The following ADCY9 variants were observed in gnomAD, a reference collection of about 807,000 sequenced individuals.
ADCY9 encodes adenylate cyclase type 9.
In ADCY9, 50 loss-of-function variants were observed where a neutral mutation model predicts 101.5. That is an observed-to-expected ratio of 0.49 (90% CI 0.39 to 0.62). The LOEUF (loss-of-function observed/expected upper bound fraction) is 0.62. Among genes scored for constraint, ADCY9 ranks in the 20% least tolerant of loss-of-function variants. ADCY9 has a pLI of 0.00. For missense variants in ADCY9, 1,662 were observed against 1,800.4 expected (o/e 0.92, Z 1.39); for synonymous variants, 905 against 769.3 (o/e 1.18, Z -2.92).
rs960366357 is a variant in ADCY9 at position 4,033,584 on chromosome 16, T to A, written c.1694-26026A>T. Among the ~76,000 whole-genome samples, 4 of 151,988 alleles carry A rather than the reference T, an allele frequency of 2.6e-5. No individual in the cohort carries two copies. The East Asian group carries it at 7.7e-4, about 29-fold the overall frequency. ...GAGTAGCTGGGACTACAGACGCTAA[T>A]TTTTTATGATTTAGTAGAGATAGGG... is the stretch of plus-strand genomic sequence containing the variant. On this transcript the variant is annotated intron_variant, in intron 2 of 10. Coordinates refer to ENST00000294016, the MANE Select transcript of ADCY9 (RefSeq NM_001116.4).
At chr16:4,013,337 C>T (rs1227827913) in intron 2 of ADCY9, among the ~76,000 whole-genome samples, 4 of 152,050 alleles carry the variant, frequency 2.6e-5, no homozygotes, top group Non-Finnish European at 5.9e-5. Context: ...AGGAGAATCG[C>T]TTAAACTTGA....
intron 7 of ADCY9, chr16:3,982,423 T>C (rs1282628173): frequency 6.6e-6 from 1 of 152,252 alleles, no homozygotes; most frequent in Admixed American, 6.5e-5. Context: ...AGCCATCCTG[T>C]TGAGGGTGAC....
At chr16:3,971,139 C>A (rs2056047942) in intron 10 of ADCY9, among the ~76,000 whole-genome samples, 1 of 152,120 alleles carries the variant, frequency 6.6e-6, no homozygotes, top group Admixed American at 6.5e-5. Context: ...GAGACCTGAA[C>A]AGCCCCTAAT....
chr16:3,979,262 G>T lies in ADCY9; in HGVS notation c.2533C>A (p.Leu845Met). 1 of 1,613,870 alleles carries T rather than the reference G, an allele frequency of 6.2e-7. No individual in the cohort carries two copies. The highest frequency in any genetic ancestry group is 2.2e-5 in the East Asian group (1 of 44,876). ...LAVSIRMVFFLEDVMACTKRL... is the reference protein window; with the variant it reads ...LAVSIRMVFFMEDVMACTKRL... ...TTGGTGCAGGCCATGACGTCCTCCA[G>T]GAAGAACACCATCCTGCGAGAGGCA... The change falls in exon 8 of 11, where the codon CTG becomes ATG. Residue 845 changes from leucine (L) to methionine (M), a missense_variant. Leu to Met is a conservative substitution (Grantham distance 15). Coordinates refer to ENST00000294016, the MANE Select transcript of ADCY9 (RefSeq NM_001116.4).
chr16:3,965,919 C>A lies in ADCY9; in HGVS notation c.3918G>T (p.Leu1306=). Reference sequence around the variant, plus strand: ...GCTCCTTCCACGGTCTCTTGGGGGACAGGTGGGCATCCTTGGCCTGCGTGC... The same window carrying A: ...GCTCCTTCCACGGTCTCTTGGGGGAAAGGTGGGCATCCTTGGCCTGCGTGC... ...DSSTQAKDAH[L]SPKRPWKEPV... Residue 1306 remains leucine (L), a synonymous_variant, in exon 11 of 11, where the codon CTG becomes CTT. Coordinates refer to ENST00000294016, the MANE Select transcript of ADCY9 (RefSeq NM_001116.4). The A allele has an allele frequency of 6.2e-7, 1 of 1,614,198 alleles. No homozygotes were observed. Among genetic ancestry groups the A allele is most frequent in the Non-Finnish European group, 8.5e-7 (1 of 1,180,040 alleles).
At chr16:4,084,099 CTTTT>C (rs2056922248) in intron 2 of ADCY9, among the ~76,000 whole-genome samples, 1 of 151,856 alleles carries the variant, frequency 6.6e-6, no homozygotes, top group Non-Finnish European at 1.5e-5. Context: ...ATAAAGCTTT[CTTTT>C]GTTTGTTTTG....
At chr16:4,020,181 C>T (rs1246386186) in intron 2 of ADCY9, among the ~76,000 whole-genome samples, 3 of 152,214 alleles carry the variant, frequency 2.0e-5, no homozygotes, top group African/African-American at 7.2e-5. Context: ...CATGTGGCTA[C>T]TGACCACTCG....
intron 6 of ADCY9, among the ~76,000 whole-genome samples, chr16:3,988,742 T>C (rs906046245): frequency 6.6e-6 from 1 of 152,104 alleles, no homozygotes; most frequent in Non-Finnish European, 1.5e-5. Flanking sequence ...AGCCTGGAGA[T>C]GCCACGGCAG....
chr16:3,965,562 G>A lies in ADCY9; in HGVS notation c.*213C>T, dbSNP rs750108438. 1.8e-5 allele frequency: 11 copies of A among 600,252 alleles called. 1 individual carries two copies. In the East Asian group the frequency reaches 2.8e-4, roughly 15 times the overall value. The allele number at this position is 600,252 out of a possible 1,614,324, so 37.2% of individuals were successfully genotyped here. A position where few individuals can be genotyped will look rare whatever the true frequency, so the allele number is the denominator to read the frequency against. The stretch of plus-strand genomic sequence containing the variant: ...CCACGTGCTGAACGGATGACCCAGA[G>A]GCAGCGGGGTTTCCAGGGAAGGGAG... On this transcript the variant is annotated 3_prime_UTR_variant, in exon 11 of 11. Transcript: ENST00000294016.
chr16:3,975,967 T>C (rs953418957), intron 9 of ADCY9, among the ~76,000 whole-genome samples: 1 of 152,174 alleles, frequency 6.6e-6, no homozygotes, highest in Non-Finnish European at 1.5e-5. Flanking sequence ...GTAGCAAATG[T>C]GTAATAGGCA....
intron 2 of ADCY9, among the ~76,000 whole-genome samples, chr16:4,108,360 A>ATTTTTTT (rs869169536): frequency 0.034 from 1,814 of 53,800 alleles, 352 homozygotes; most frequent in Non-Finnish European, 0.044. Flanking sequence ...CCGTTTCTTC[A>ATTTTTTT]TTTTTTTTTT....
At chr16:3,991,763 TAAAAAAAAA>T (rs55746006) in intron 5 of ADCY9, among the ~76,000 whole-genome samples, 19 of 91,408 alleles carry the variant, frequency 2.1e-4, no homozygotes, top group Middle Eastern at 8.5e-3. Context: ...CTAGTCCTTA[TAAAAAAAAA>T]AAAAAAAAAA....
intron 2 of ADCY9, among the ~76,000 whole-genome samples, chr16:4,025,657 C>T (rs1273035813): frequency 6.6e-6 from 1 of 152,178 alleles, no homozygotes; most frequent in African/African-American, 2.4e-5. Context: ...AGGTCCTGTG[C>T]CATGTCCTGC....
intron 2 of ADCY9, among the ~76,000 whole-genome samples, chr16:4,098,023 A>G (rs893695284): frequency 1.3e-5 from 2 of 152,080 alleles, no homozygotes; most frequent in Admixed American, 6.6e-5. Flanking sequence ...AGTCAAATAC[A>G]TATGATGCAA....
At chr16:4,105,357 A>G (rs2057069649) in intron 2 of ADCY9, among the ~76,000 whole-genome samples, 1 of 152,074 alleles carries the variant, frequency 6.6e-6, no homozygotes, top group Non-Finnish European at 1.5e-5. Flanking sequence ...AAACATAGGG[A>G]GACGTCATCT....
At chr16:4,008,066 G>C (rs2056379232) in intron 2 of ADCY9, among the ~76,000 whole-genome samples, 1 of 151,998 alleles carries the variant, frequency 6.6e-6, no homozygotes, top group African/African-American at 2.4e-5. Context: ...GGGACCAAGA[G>C]GCCATTAAAA....
chr16:4,071,745 G>A (rs990471145), intron 2 of ADCY9, among the ~76,000 whole-genome samples: 2 of 152,098 alleles, frequency 1.3e-5, no homozygotes, highest in Non-Finnish European at 2.9e-5. Context: ...TCATCATGAT[G>A]CATTTTAGTT....
At chr16:3,979,966 C>G (rs1001584413) in intron 7 of ADCY9, among the ~76,000 whole-genome samples, 13 of 72,542 alleles carry the variant, frequency 1.8e-4, no homozygotes, top group Non-Finnish European at 4.8e-4. Flanking sequence ...TGACAGTGGT[C>G]TCTGCTGTTT....
At chr16:4,033,691 A>G (rs1363913963) in intron 2 of ADCY9, among the ~76,000 whole-genome samples, 1 of 152,204 alleles carries the variant, frequency 6.6e-6, no homozygotes, top group East Asian at 1.9e-4. Flanking sequence ...CTGGGATTAC[A>G]GGCATGAGCC....
Sources: gnomAD v4.1 joint callset for allele counts (sites outside exome capture counted in the v4.1 genomes callset) on GRCh38, gnomAD v4.1.1 for gene constraint, MANE v1.5 for transcripts, NCBI Gene and HGNC (gene_info 2026-07-23, HGNC 2026-07-21) for gene names.